The following SIL1 variants were observed in gnomAD, a reference collection of about 807,000 sequenced individuals.
SIL1 encodes the protein nucleotide exchange factor SIL1.
Under a neutral mutation model 49.1 loss-of-function variants are expected in SIL1, and 40 were observed. The ratio of observed to expected loss-of-function variants is 0.81; its 90% confidence interval spans 0.63 to 1.06. The LOEUF is 1.06. Ranked by LOEUF, SIL1 falls within the 50% of genes least tolerant of loss-of-function variation. SIL1 has a pLI of 0.00. For missense variants in SIL1, 500 were observed against 572.6 expected (o/e 0.87, Z 1.29); for synonymous variants, 253 against 250.8 (o/e 1.01, Z -0.08).
At chr5:139,041,980 G>A (rs1479471282) in intron 5 of SIL1, among the ~76,000 whole-genome samples, 1 of 152,098 alleles carries the variant, frequency 6.6e-6, no homozygotes, top group Non-Finnish European at 1.5e-5. Flanking sequence ...GATCTTCCTG[G>A]TATAGACCTG....
intron 5 of SIL1, among the ~76,000 whole-genome samples, chr5:139,041,311 G>A (rs568788509): frequency 2.6e-5 from 4 of 152,308 alleles, no homozygotes; most frequent in South Asian, 2.1e-4. Context: ...CGTGGAGACT[G>A]AGCCTGCATT....
chr5:139,102,246 T>C (rs557277212), intron 3 of SIL1, among the ~76,000 whole-genome samples: 1 of 152,244 alleles, frequency 6.6e-6, no homozygotes. Context: ...TATACCTATA[T>C]GCTGGAGGCT....
At chr5:139,144,721 A>C (rs185576752) in intron 1 of SIL1, among the ~76,000 whole-genome samples, 41 of 152,246 alleles carry the variant, frequency 2.7e-4, no homozygotes, top group Non-Finnish European at 5.6e-4. Context: ...AAATACAAAA[A>C]TTAGCCGGGC....
At chr5:139,007,368 A>G (rs953574043) in intron 7 of SIL1, among the ~76,000 whole-genome samples, 6 of 137,558 alleles carry the variant, frequency 4.4e-5, no homozygotes, top group East Asian at 2.0e-4. Flanking sequence ...GGGCTGAGAC[A>G]ATGGGGTTTT....
intron 5 of SIL1, among the ~76,000 whole-genome samples, chr5:139,040,696 A>C (rs1211610035): frequency 6.6e-6 from 1 of 151,452 alleles, no homozygotes; most frequent in African/African-American, 2.4e-5. Context: ...ACGGGGTTTC[A>C]CCATGTTGGC....
At chr5:139,134,017 T>G (rs1295112301) in intron 1 of SIL1, among the ~76,000 whole-genome samples, 1 of 152,220 alleles carries the variant, frequency 6.6e-6, no homozygotes, top group Non-Finnish European at 1.5e-5. Flanking sequence ...ACATTAAGAA[T>G]TTCTACTTCA....
At chr5:139,002,635 A>G (rs1768012722) in intron 7 of SIL1, among the ~76,000 whole-genome samples, 1 of 152,224 alleles carries the variant, frequency 6.6e-6, no homozygotes, top group Admixed American at 6.5e-5. Flanking sequence ...AATCCCTGAA[A>G]CATAAAGAGC....
At chr5:138,973,112 T>C (rs1767316703) in intron 7 of SIL1, among the ~76,000 whole-genome samples, 1 of 150,198 alleles carries the variant, frequency 6.7e-6, no homozygotes, top group Non-Finnish European at 1.5e-5. Context: ...CCCAAGCCAA[T>C]TAAAGGTTAT....
intron 7 of SIL1, 120 bp from the exon 8 acceptor site, chr5:138,952,004 C>T (rs575672932): frequency 1.9e-5 from 17 of 895,550 alleles, no homozygotes; most frequent in South Asian, 5.4e-5. Flanking sequence ...GGTTCCCACA[C>T]GGGGCAAGTC....
In SIL1 at chr5:139,036,657, G is replaced by A. The variant is rs912485076; in HGVS notation, c.453+5963C>T. Among the ~76,000 whole-genome samples the A allele has an allele frequency of 4.6e-5, 7 of 152,198 alleles. No individual in the cohort carries two copies. The East Asian group carries it at 5.8e-4, about 13-fold the overall frequency. ...TGGGAGTTAAATGATGATAACACACGGATACTTAGAGGGGAACAACACACA... is the reference window on the plus strand; with the variant it reads ...TGGGAGTTAAATGATGATAACACACAGATACTTAGAGGGGAACAACACACA... On this transcript the variant is annotated intron_variant, in intron 5 of 9. Coordinates refer to ENST00000394817, the MANE Select transcript of SIL1 (RefSeq NM_022464.5).
chr5:139,179,798 T>C (rs1463782053), intron 1 of SIL1, among the ~76,000 whole-genome samples: 1 of 152,122 alleles, frequency 6.6e-6, no homozygotes, highest in Non-Finnish European at 1.5e-5. Context: ...GGCTCATACC[T>C]ATAATCCCAA....
chr5:138,971,975 C>A (rs370461270), intron 7 of SIL1, among the ~76,000 whole-genome samples: 4 of 152,154 alleles, frequency 2.6e-5, no homozygotes, highest in Non-Finnish European at 4.4e-5. Flanking sequence ...CCTTCTCAAG[C>A]GTGTCCAAAA....
intron 7 of SIL1, among the ~76,000 whole-genome samples, chr5:138,992,624 T>C (rs769977165): frequency 7.2e-4 from 110 of 152,254 alleles, no homozygotes; most frequent in Non-Finnish European, 1.4e-3. Context: ...TCAGGTTATC[T>C]TTTCAAACAT....
intron 7 of SIL1, among the ~76,000 whole-genome samples, chr5:138,982,517 A>C (rs1767550230): frequency 6.6e-6 from 1 of 152,264 alleles, no homozygotes; most frequent in Non-Finnish European, 1.5e-5. Context: ...CAGTGATACA[A>C]CATTTTTCTT....
Position 138,948,192 on chromosome 5 carries a change from G to A in SIL1, c.1030-719C>T, listed in dbSNP as rs1366589918. 6.6e-6 allele frequency among the ~76,000 whole-genome samples: 1 copy of A among 152,210 alleles called. No individual in the cohort carries two copies. Among genetic ancestry groups the A allele is most frequent in the African/African-American group, 2.4e-5 (1 of 41,456 alleles). On this transcript the variant is annotated intron_variant, in intron 9 of 9. Coordinates refer to ENST00000394817, the MANE Select transcript of SIL1 (RefSeq NM_022464.5). The surrounding 1 kb of genome is among the most constrained non-coding windows in gnomAD (Gnocchi z 4.8). ...AGAGGGAAGCCCAGGAGAAGAGGAG[G>A]CCACAGTGGACCACCTGTGCTTCCT... is the stretch of plus-strand genomic sequence containing the variant.
At chr5:138,963,449 G>T (rs1409873931) in intron 7 of SIL1, among the ~76,000 whole-genome samples, 2 of 152,176 alleles carry the variant, frequency 1.3e-5, no homozygotes, top group African/African-American at 2.4e-5. Flanking sequence ...ACAACTGTAG[G>T]AATGTTTATG....
At chr5:138,992,060 C>T (rs552128865) in intron 7 of SIL1, among the ~76,000 whole-genome samples, 38 of 152,340 alleles carry the variant, frequency 2.5e-4, no homozygotes, top group South Asian at 2.3e-3. Flanking sequence ...CTAATGCATA[C>T]GCAGACCATG....
chr5:138,990,237 C>A (rs1185143213), intron 7 of SIL1, among the ~76,000 whole-genome samples: 1 of 152,194 alleles, frequency 6.6e-6, no homozygotes, highest in Admixed American at 6.5e-5. Context: ...TTGCTCAGAG[C>A]AAAGGCACCA....
chr5:138,954,646 A>G (rs1766861881), intron 7 of SIL1, among the ~76,000 whole-genome samples: 2 of 152,244 alleles, frequency 1.3e-5, no homozygotes, highest in South Asian at 4.1e-4. Context: ...ATCACCCACC[A>G]AGGGTAGAAT....
Sources: gnomAD v4.1 joint callset for allele counts (sites outside exome capture counted in the v4.1 genomes callset) on GRCh38, gnomAD v4.1.1 for gene constraint, Gnocchi (gnomAD v3.1) non-coding constraint, MANE v1.5 for transcripts, NCBI Gene and HGNC (gene_info 2026-07-23, HGNC 2026-07-21) for gene names.